Variants in SLC9A9 observed in about 807,000 individuals in gnomAD.
SLC9A9 encodes sodium/hydrogen exchanger 9.
A neutral mutation model predicts 77.8 loss-of-function variants in SLC9A9; 62 were observed. That is an observed-to-expected ratio of 0.80 (90% confidence interval 0.65 to 0.98). SLC9A9 has a LOEUF of 0.98. Among genes scored for constraint, SLC9A9 ranks in the 50% least tolerant of loss-of-function variants. The pLI is 0.00. For missense variants in SLC9A9, 775 were observed against 774.9 expected (o/e 1.00, Z 0.00); for synonymous variants, 320 against 283.5 (o/e 1.13, Z -1.29).
chr3:143,661,581 C>T (rs2038978975), intron 5 of SLC9A9, among the ~76,000 whole-genome samples: 1 of 152,186 alleles, frequency 6.6e-6, no homozygotes, highest in Non-Finnish European at 1.5e-5. Flanking sequence ...TAAACCCATC[C>T]CTTTAATAGA....
chr3:143,404,161 T>C lies in SLC9A9; in HGVS notation c.1470-22047A>G, dbSNP rs941665036. ...CACCTCAAGAATTTTTAATTTTTTG[T>C]ATAATTTTTCTTTTTTCTTTTTTTT... On this transcript the variant is annotated intron_variant, in intron 12 of 15. Coordinates refer to ENST00000316549, the MANE Select transcript of SLC9A9 (RefSeq NM_173653.4). 4.8e-5 allele frequency among the ~76,000 whole-genome samples: 7 copies of C among 147,166 alleles called. No homozygotes were observed. The Admixed American group carries it at 4.9e-4, about 10-fold the overall frequency.
At chr3:143,268,732 CAAAAAAA>C (rs11312794) in intron 15 of SLC9A9, 136 bp downstream of exon 15, 36 of 236,860 alleles carry the variant, frequency 1.5e-4, no homozygotes, top group African/African-American at 3.4e-4. Context: ...GACTCCGTCT[CAAAAAAA>C]AAAAAAAAAA....
chr3:143,377,475 T>C (rs1013761123), intron 13 of SLC9A9, among the ~76,000 whole-genome samples: 5 of 152,220 alleles, frequency 3.3e-5, no homozygotes, highest in African/African-American at 1.2e-4. Context: ...TCTTCAGACC[T>C]TTCTCAGCTC....
intron 14 of SLC9A9, among the ~76,000 whole-genome samples, chr3:143,324,663 A>G (rs532107610): frequency 6.6e-6 from 1 of 152,254 alleles, no homozygotes; most frequent in African/African-American, 2.4e-5. Context: ...TCTACAAAAA[A>G]TACAAAAATT....
chr3:143,771,671 G>A (rs2007522333), intron 4 of SLC9A9, among the ~76,000 whole-genome samples: 1 of 152,194 alleles, frequency 6.6e-6, no homozygotes, highest in South Asian at 2.1e-4. Flanking sequence ...AATTTTACTG[G>A]AATTTGGAGT....
At chr3:143,547,980 T>G (rs2036817051) in intron 9 of SLC9A9, among the ~76,000 whole-genome samples, 1 of 152,230 alleles carries the variant, frequency 6.6e-6, no homozygotes, top group Non-Finnish European at 1.5e-5. Context: ...AAAAAATTTG[T>G]TCAATGCATG....
chr3:143,823,412 T>C (rs2009220902), intron 2 of SLC9A9, among the ~76,000 whole-genome samples: 1 of 152,156 alleles, frequency 6.6e-6, no homozygotes. Context: ...AAGATGAGTG[T>C]TCTCCCAGAG....
chr3:143,784,863 T>C (rs1412709842), intron 4 of SLC9A9, among the ~76,000 whole-genome samples: 4 of 152,170 alleles, frequency 2.6e-5, no homozygotes, highest in African/African-American at 9.7e-5. Flanking sequence ...TTATAAGCCC[T>C]CATGAGTGAG....
chr3:143,683,061 T>C (rs1415208197), intron 5 of SLC9A9, among the ~76,000 whole-genome samples: 1 of 152,170 alleles, frequency 6.6e-6, no homozygotes, highest in Non-Finnish European at 1.5e-5. Context: ...ATTAATGTTT[T>C]AGGTGTGATG....
chr3:143,633,320 T>A (rs139280448), intron 6 of SLC9A9, among the ~76,000 whole-genome samples: 5 of 152,360 alleles, frequency 3.3e-5, no homozygotes, highest in African/African-American at 1.2e-4. Flanking sequence ...AGATTAAGGC[T>A]ATGTAAAAGT....
chr3:143,814,418 G>C (rs1198603288), intron 2 of SLC9A9, among the ~76,000 whole-genome samples: 8 of 152,148 alleles, frequency 5.3e-5, no homozygotes, highest in African/African-American at 1.7e-4. Context: ...TGCTGGAAGG[G>C]GATGCAGTGG....
At chr3:143,837,371 A>T (rs952062352) in intron 1 of SLC9A9, among the ~76,000 whole-genome samples, 3 of 152,344 alleles carry the variant, frequency 2.0e-5, no homozygotes, top group East Asian at 3.9e-4. Flanking sequence ...GGAAGAATTT[A>T]GGAGTCTAAA....
intron 5 of SLC9A9, among the ~76,000 whole-genome samples, chr3:143,669,929 C>T (rs780648277): frequency 6.6e-6 from 1 of 152,072 alleles, no homozygotes; most frequent in Non-Finnish European, 1.5e-5. Context: ...ATTGTTCATG[C>T]CATCAAAACT....
chr3:143,292,919 C>T (rs564985790), intron 14 of SLC9A9, among the ~76,000 whole-genome samples: 14 of 152,174 alleles, frequency 9.2e-5, no homozygotes, highest in South Asian at 6.2e-4. Context: ...TTAATGCTGC[C>T]GCTGCTGGGG....
chr3:143,474,584 G>A (rs901630715), intron 11 of SLC9A9, among the ~76,000 whole-genome samples: 1 of 151,984 alleles, frequency 6.6e-6, no homozygotes, highest in South Asian at 2.1e-4. Flanking sequence ...AATTGGGGAA[G>A]CCCAGGGGAA....
intron 11 of SLC9A9, among the ~76,000 whole-genome samples, chr3:143,479,714 G>C (rs1304336434): frequency 6.6e-6 from 1 of 152,108 alleles, no homozygotes; most frequent in Non-Finnish European, 1.5e-5. Context: ...TAAATGGAGA[G>C]AGGAGAGCAG....
At chr3:143,483,720 T>G (rs777606397) in intron 11 of SLC9A9, among the ~76,000 whole-genome samples, 1 of 152,172 alleles carries the variant, frequency 6.6e-6, no homozygotes, top group Admixed American at 6.5e-5. Flanking sequence ...CTTGGAAAGC[T>G]TCTCTGCCCA....
intron 9 of SLC9A9, among the ~76,000 whole-genome samples, chr3:143,513,344 G>A (rs1434845935): frequency 3.9e-5 from 6 of 152,046 alleles, no homozygotes; most frequent in South Asian, 2.1e-4. Context: ...AGCCACTTTC[G>A]TTGCTCATCC....
At chr3:143,381,037 T>A (rs1012365011) in intron 13 of SLC9A9, among the ~76,000 whole-genome samples, 1 of 152,228 alleles carries the variant, frequency 6.6e-6, no homozygotes, top group Admixed American at 6.5e-5. Flanking sequence ...AGGTGTAAAA[T>A]TTCCCTACAT....
Sources: gnomAD v4.1 joint callset for allele counts (sites outside exome capture counted in the v4.1 genomes callset) on GRCh38, gnomAD v4.1.1 for gene constraint, MANE v1.5 for transcripts, NCBI Gene and HGNC (gene_info 2026-07-23, HGNC 2026-07-21) for gene names.